The following STIMATE variants were observed in gnomAD, a reference collection of about 807,000 sequenced individuals.
STIMATE encodes the protein STIM activating enhancer.
A neutral mutation model predicts 36.7 loss-of-function variants in STIMATE; 15 were observed. The ratio of observed to expected loss-of-function variants is 0.41; its 90% CI spans 0.27 to 0.63. The LOEUF (loss-of-function observed/expected upper bound fraction) is 0.63. Ranked by LOEUF, STIMATE falls within the 20% of genes least tolerant of loss-of-function variation. The probability of loss-of-function intolerance (pLI) is 0.32; values close to 1 mark genes in which losing one functional copy is unlikely to be tolerated. For synonymous variants in STIMATE, 163 were observed against 162.3 expected, an observed-to-expected ratio of 1.00 and a Z score of -0.03; for missense variants, 305 against 397.3, an observed-to-expected ratio of 0.77 and a Z score of 1.98.
chr3:52,861,326 C>A (rs779351222), intron 1 of STIMATE, among the ~76,000 whole-genome samples: 6 of 152,212 alleles, frequency 3.9e-5, no homozygotes, highest in African/African-American at 2.4e-5. Flanking sequence ...AGGTCCCATT[C>A]CATTGCTTCT....
chr3:52,886,680 A>G (rs1234982844), intron 1 of STIMATE, among the ~76,000 whole-genome samples: 2 of 152,340 alleles, frequency 1.3e-5, no homozygotes, highest in East Asian at 3.9e-4. Flanking sequence ...TTATATTTAC[A>G]TTGTTTCAAA....
At chr3:52,867,784 C>A (rs1488996522) in intron 1 of STIMATE, among the ~76,000 whole-genome samples, 1 of 152,222 alleles carries the variant, frequency 6.6e-6, no homozygotes, top group African/African-American at 2.4e-5. Flanking sequence ...AGTGTCCAAC[C>A]CCCTCCAGGG....
At chr3:52,858,861 T>C (rs903059711) in intron 1 of STIMATE, among the ~76,000 whole-genome samples, 1 of 151,950 alleles carries the variant, frequency 6.6e-6, no homozygotes, top group Admixed American at 6.6e-5. Flanking sequence ...AAGCAGTTGC[T>C]AAAAACGACA....
chr3:52,851,005 A>G (rs1430766341), intron 3 of STIMATE, among the ~76,000 whole-genome samples: 1 of 152,198 alleles, frequency 6.6e-6, no homozygotes, highest in Non-Finnish European at 1.5e-5. Context: ...TTGGGATTAC[A>G]GGCCTGAGCC....
chr3:52,845,009 C>G, intron 4 of STIMATE, 68 bp from the exon 5 acceptor site: 4 of 1,513,426 alleles, frequency 2.6e-6, no homozygotes, highest in Non-Finnish European at 3.6e-6. Context: ...GTCCCCACCC[C>G]ACTCCCCCAC....
intron 4 of STIMATE, 98 bp downstream of exon 4, chr3:52,849,694 C>A: frequency 6.6e-7 from 1 of 1,506,652 alleles, no homozygotes. Context: ...AGCTCCCCAG[C>A]CATTTCTGGA....
Position 52,852,810 on chromosome 3 carries a change from T to C in STIMATE, c.210-112A>G, listed in dbSNP as rs909339334. On this transcript the variant is annotated intron_variant, in intron 2 of 7. Coordinates refer to ENST00000355083, the MANE Select transcript of STIMATE (RefSeq NM_198563.5). ...AAAGCCACCCCAACCTTCCAATCAC[T>C]GGTTATCTCTTCCTGGGGCCTTGAG... The C allele has an allele frequency of 7.9e-5, 105 of 1,324,988 alleles. No homozygotes were observed. The Middle Eastern group carries it at 9.5e-4, about 12-fold the overall frequency. The allele number at this position is 1,324,988 out of a possible 1,614,324, so 82.1% of individuals were successfully genotyped here. A position where few individuals can be genotyped will look rare whatever the true frequency, so the allele number is the denominator to read the frequency against.
chr3:52,855,594 T>C, intron 1 of STIMATE, 150 bp from the exon 2 acceptor site: 9 of 1,152,920 alleles, frequency 7.8e-6, no homozygotes, highest in South Asian at 3.0e-5. Flanking sequence ...CAGTAAGCCC[T>C]GCGAAGGTCA....
At chr3:52,852,047 C>A (rs754904726) in intron 3 of STIMATE, among the ~76,000 whole-genome samples, 8 of 152,220 alleles carry the variant, frequency 5.3e-5, no homozygotes, top group Non-Finnish European at 8.8e-5. Context: ...GCCTCCTCTG[C>A]CACTCCACCT....
chr3:52,896,504 G>A (rs1701868177), intron 1 of STIMATE, among the ~76,000 whole-genome samples: 1 of 152,124 alleles, frequency 6.6e-6, no homozygotes, highest in African/African-American at 2.4e-5. Context: ...ACAGGGTGGG[G>A]GCTTCCTTCT....
At chr3:52,867,783 C>G (rs901918605) in intron 1 of STIMATE, among the ~76,000 whole-genome samples, 1 of 152,246 alleles carries the variant, frequency 6.6e-6, no homozygotes. Context: ...GAGTGTCCAA[C>G]CCCCTCCAGG....
chr3:52,872,850 T>G (rs1318245700), intron 1 of STIMATE, among the ~76,000 whole-genome samples: 3 of 152,216 alleles, frequency 2.0e-5, no homozygotes, highest in Admixed American at 6.5e-5. Flanking sequence ...GGTCTCAAAC[T>G]CCTGACCTCC....
At chr3:52,881,087 T>C (rs1209576453) in intron 1 of STIMATE, among the ~76,000 whole-genome samples, 1 of 151,540 alleles carries the variant, frequency 6.6e-6, no homozygotes, top group Non-Finnish European at 1.5e-5. Context: ...CTCGGGAGGC[T>C]GAGGCAGGAG....
rs1701392133 is a variant in STIMATE, at chr3:52,870,902, G to A, written c.161-15458C>T. ...TGTGTCCCCTCTCACTGGAAGGTCT[G>A]GGGGAAGGCGGGTGGTGCCTGAGGA... is the stretch of plus-strand genomic sequence containing the variant. On this transcript the variant is annotated intron_variant, in intron 1 of 7. Coordinates refer to ENST00000355083, the MANE Select transcript of STIMATE (RefSeq NM_198563.5). 2.0e-5 allele frequency among the ~76,000 whole-genome samples: 3 copies of A among 152,146 alleles called. No homozygotes were observed. In the South Asian group the frequency reaches 6.2e-4, roughly 32 times the overall value.
At chr3:52,869,250 T>C (rs1274997812) in intron 1 of STIMATE, among the ~76,000 whole-genome samples, 7 of 152,214 alleles carry the variant, frequency 4.6e-5, no homozygotes, top group Admixed American at 3.3e-4. Context: ...CTCGCCTGAA[T>C]CCACCCCGAC....
At chr3:52,895,853 A>G in intron 1 of STIMATE, 6 of 1,276,162 alleles carry the variant, frequency 4.7e-6, no homozygotes, top group Non-Finnish European at 6.1e-6. Flanking sequence ...ACAGAGAAGT[A>G]GGAGGGGTAT....
chr3:52,875,662 A>G (rs1306830736), intron 1 of STIMATE, among the ~76,000 whole-genome samples: 1 of 152,214 alleles, frequency 6.6e-6, no homozygotes, highest in Non-Finnish European at 1.5e-5. Flanking sequence ...CTTGAGGTCC[A>G]CCTGTCAAGA....
At chr3:52,890,402 A>T (rs1701764101) in intron 1 of STIMATE, among the ~76,000 whole-genome samples, 1 of 152,266 alleles carries the variant, frequency 6.6e-6, no homozygotes. Flanking sequence ...GAACCGATGC[A>T]GTGGTTCTTA....
intron 1 of STIMATE, 98 bp downstream of exon 1, chr3:52,897,193 C>T (rs1479512014): frequency 4.8e-6 from 7 of 1,446,872 alleles, no homozygotes; most frequent in Non-Finnish European, 6.4e-6. Context: ...CAATTCGGGT[C>T]CCAAGGCCTG....
Sources: allele counts gnomAD v4.1 joint callset (sites outside exome capture counted in the v4.1 genomes callset), GRCh38; gene constraint gnomAD v4.1.1; transcripts MANE v1.5; gene names NCBI Gene and HGNC (gene_info 2026-07-23, HGNC 2026-07-21).